Variants in CTNNA2 observed in about 807,000 individuals in gnomAD.
CTNNA2 encodes catenin alpha 2, also known as catenin alpha-2.
CTNNA2 carries 42 observed loss-of-function variants against 101.0 expected under a neutral mutation model. That is an observed-to-expected ratio of 0.42 (90% CI 0.32 to 0.54). The LOEUF is 0.54. Among genes scored for constraint, CTNNA2 ranks in the 20% least tolerant of loss-of-function variants. The pLI is 0.14. For synonymous variants in CTNNA2, 450 were observed against 456.4 expected, an observed-to-expected ratio of 0.99 and a Z score of 0.18; for missense variants, 871 against 1,223.1, an observed-to-expected ratio of 0.71 and a Z score of 4.29.
At chr2:80,584,877 A>G (rs1558615908) in intron 14 of CTNNA2, among the ~76,000 whole-genome samples, 1 of 152,142 alleles carries the variant, frequency 6.6e-6, no homozygotes, top group Non-Finnish European at 1.5e-5. Flanking sequence ...TTTCACCTAA[A>G]AGAGTTGGAT....
intron 3 of CTNNA2, among the ~76,000 whole-genome samples, chr2:79,810,292 G>A (rs1676906399): frequency 6.6e-6 from 1 of 152,120 alleles, no homozygotes; most frequent in South Asian, 2.1e-4. Context: ...TTACATCACA[G>A]TTGGCGAGGG....
chr2:79,257,414 T>A (rs1357924855), intron 2 of CTNNA2, among the ~76,000 whole-genome samples: 1 of 151,898 alleles, frequency 6.6e-6, no homozygotes, highest in Non-Finnish European at 1.5e-5. Flanking sequence ...CAAATAATAC[T>A]TTAATAGAAC....
chr2:79,698,252 T>A (rs1684769069), intron 2 of CTNNA2, among the ~76,000 whole-genome samples: 1 of 152,078 alleles, frequency 6.6e-6, no homozygotes, highest in Non-Finnish European at 1.5e-5. Flanking sequence ...CTTAATATTT[T>A]GGAATTGTTC....
intron 8 of CTNNA2, among the ~76,000 whole-genome samples, chr2:80,408,929 T>A (rs1254085583): frequency 6.6e-6 from 1 of 152,072 alleles, no homozygotes; most frequent in Non-Finnish European, 1.5e-5. Context: ...ATAACGATGC[T>A]CACCCTACAA....
chr2:80,082,223 A>G (rs1288900458), intron 7 of CTNNA2, among the ~76,000 whole-genome samples: 1 of 152,136 alleles, frequency 6.6e-6, no homozygotes, highest in Non-Finnish European at 1.5e-5. Context: ...TTTGTTTCAA[A>G]TAGTTCACTA....
rs1432835231 is a variant in CTNNA2, at chr2:79,368,847, T to C, written c.-317-4984T>C. The stretch of plus-strand genomic sequence containing the variant: ...ACTTGTGTCCCTGGGTATCACACTT[T>C]ATCACTTTGTTTAGATAAAGCTTTA... On this transcript the variant is annotated intron_variant, in intron 3 of 21. Coordinates refer to the CTNNA2 transcript ENST00000466387. Among the ~76,000 whole-genome samples the C allele has an allele frequency of 3.9e-5, 6 of 152,338 alleles. No individual in the cohort carries two copies. In the East Asian group the frequency reaches 1.2e-3, roughly 29 times the overall value.
chr2:80,188,627 C>T (rs919379468), intron 7 of CTNNA2, among the ~76,000 whole-genome samples: 2 of 152,172 alleles, frequency 1.3e-5, no homozygotes, highest in African/African-American at 2.4e-5. Flanking sequence ...TTCCTTGGCT[C>T]ACAGCCCCTT....
intron 9 of CTNNA2, among the ~76,000 whole-genome samples, chr2:80,488,895 G>A (rs149441662): frequency 1.3e-5 from 2 of 152,114 alleles, no homozygotes; most frequent in Non-Finnish European, 2.9e-5. Flanking sequence ...TCATACACAC[G>A]TGCATGCACA....
intron 7 of CTNNA2, among the ~76,000 whole-genome samples, chr2:80,158,185 T>G (rs1324036576): frequency 6.6e-6 from 1 of 152,186 alleles, no homozygotes. Flanking sequence ...GAGAGTAAGG[T>G]TGCCCCAAGG....
At chr2:80,625,902 T>G (rs537111389) in intron 18 of CTNNA2, among the ~76,000 whole-genome samples, 1 of 152,226 alleles carries the variant, frequency 6.6e-6, no homozygotes, top group Non-Finnish European at 1.5e-5. Flanking sequence ...AATTTCTTTA[T>G]AATTTACTCT....
At chr2:80,540,963 A>G (rs1375955445) in intron 9 of CTNNA2, among the ~76,000 whole-genome samples, 1 of 152,220 alleles carries the variant, frequency 6.6e-6, no homozygotes, top group African/African-American at 2.4e-5. Context: ...TGCTGGGATT[A>G]TAGGCGTGAG....
At chr2:79,257,846 GA>G (rs1468013844) in intron 2 of CTNNA2, among the ~76,000 whole-genome samples, 3 of 151,824 alleles carry the variant, frequency 2.0e-5, no homozygotes, top group Non-Finnish European at 4.4e-5. Context: ...CATAGTTGTG[GA>G]AAGCTAGAAA....
intron 9 of CTNNA2, among the ~76,000 whole-genome samples, chr2:80,462,287 T>A (rs966666870): frequency 6.6e-6 from 1 of 152,188 alleles, no homozygotes; most frequent in Non-Finnish European, 1.5e-5. Flanking sequence ...CAAGCTAAAA[T>A]TTGAACTTAG....
intron 6 of CTNNA2, among the ~76,000 whole-genome samples, chr2:79,896,818 G>T (rs148931208): frequency 6.6e-6 from 1 of 152,180 alleles, no homozygotes; most frequent in South Asian, 2.1e-4. Context: ...ATCCACATAC[G>T]CTGCCAAGAA....
Position 80,648,745 on chromosome 2 carries a change from C to G in CTNNA2, c.*873C>G, listed in dbSNP as rs1674385528. 1 of 152,058 alleles carries G rather than the reference C, an allele frequency of 6.6e-6. No homozygotes were observed. Among genetic ancestry groups the G allele is most frequent in the South Asian group, 2.1e-4 (1 of 4,818 alleles). The allele number at this position is 152,058 out of a possible 1,614,324, so 9.4% of individuals were successfully genotyped here. A position where few individuals can be genotyped will look rare whatever the true frequency, so the allele number is the denominator to read the frequency against. ...CTGGTATCTAATATACCATTGTATT[C>G]ACTAACTAACTCAAAATAAACACAT... On this transcript the variant is annotated 3_prime_UTR_variant, in exon 19 of 19. Coordinates refer to ENST00000402739, the MANE Select transcript of CTNNA2 (RefSeq NM_001282597.3).
At chr2:79,475,239 G>C (rs182715939) in intron 4 of CTNNA2, among the ~76,000 whole-genome samples, 69 of 151,130 alleles carry the variant, frequency 4.6e-4, no homozygotes, top group African/African-American at 1.5e-3. Flanking sequence ...CCTAAGCTGT[G>C]TTTTTTTCAC....
At chr2:80,108,732 G>A (rs747462755) in intron 7 of CTNNA2, among the ~76,000 whole-genome samples, 4 of 152,068 alleles carry the variant, frequency 2.6e-5, no homozygotes, top group Non-Finnish European at 4.4e-5. Context: ...AAGGTCATCC[G>A]GTGGTTTATG....
At chr2:80,242,761 G>GC (rs1408357073) in intron 7 of CTNNA2, among the ~76,000 whole-genome samples, 1 of 152,098 alleles carries the variant, frequency 6.6e-6, no homozygotes, top group Non-Finnish European at 1.5e-5. Context: ...CAGCAGTCTG[G>GC]CCCGAGCTGT....
intron 1 of CTNNA2, among the ~76,000 whole-genome samples, chr2:79,634,303 T>G (rs1679875121): frequency 6.6e-6 from 1 of 152,210 alleles, no homozygotes; most frequent in African/African-American, 2.4e-5. Context: ...TCCTGAATGT[T>G]GAGCTCTTTA....
Sources: gnomAD v4.1 joint callset for allele counts (sites outside exome capture counted in the v4.1 genomes callset) on GRCh38, gnomAD v4.1.1 for gene constraint, MANE v1.5 for transcripts, NCBI Gene and HGNC (gene_info 2026-07-23, HGNC 2026-07-21) for gene names.